Variants in OR2T27 observed in about 807,000 individuals in gnomAD.
OR2T27 encodes the protein olfactory receptor 2T27.
For missense variants in OR2T27, 152 were observed against 397.2 expected, an observed-to-expected ratio of 0.38 and a Z score of 5.25; for synonymous variants, 51 against 152.9, an observed-to-expected ratio of 0.33 and a Z score of 4.92.
chr1:248,655,239 TAA>T (rs1207512038), intron 1 of OR2T27, among the ~76,000 whole-genome samples: 539 of 20,802 alleles, frequency 0.026, 8 homozygotes, highest in Middle Eastern at 0.11. Context: ...ACAGAAAAGA[TAA>T]GAGTCCATAA....
In OR2T27 at chr1:248,650,908, G is replaced by T; in HGVS notation, c.-4-20C>A. Reference sequence around the variant, plus strand: ...ATAGCTCTGTAGGGTACACAAAAGAGATATGACAAAGTTGGAAAGGTATCT... The same window carrying T: ...ATAGCTCTGTAGGGTACACAAAAGATATATGACAAAGTTGGAAAGGTATCT... On this transcript the variant is annotated intron_variant, in intron 1 of 1. Coordinates refer to ENST00000460972, the MANE Select transcript of OR2T27 (RefSeq NM_001001824.2). 7.3e-7 allele frequency: 1 copy of T among 1,372,044 alleles called. No individual in the cohort carries two copies. Among genetic ancestry groups the T allele is most frequent in the Non-Finnish European group, 9.9e-7 (1 of 1,007,682 alleles). 85.0% of individuals were successfully genotyped at this position (1,372,044 alleles called of 1,614,324 possible).
chr1:248,655,020 C>T (rs1250074122), intron 1 of OR2T27, among the ~76,000 whole-genome samples: 2 of 31,716 alleles, frequency 6.3e-5, no homozygotes, highest in African/African-American at 7.4e-5. Context: ...AATGGTTTCT[C>T]GGAGCAGGAT....
intron 1 of OR2T27, chr1:248,651,344 G>A (rs866704207): frequency 0.014 from 855 of 60,662 alleles, 30 homozygotes; most frequent in African/African-American, 0.024. Flanking sequence ...ATTTGCCTAT[G>A]GAAGAATAAC....
chr1:248,655,279 A>T (rs1373133796), intron 1 of OR2T27, among the ~76,000 whole-genome samples, 165 bp downstream of exon 1: 3 of 129,942 alleles, frequency 2.3e-5, no homozygotes, highest in African/African-American at 7.7e-5. Context: ...TGAATTATCT[A>T]AGATTTATAT....
intron 1 of OR2T27, among the ~76,000 whole-genome samples, chr1:248,651,937 A>G (rs1191683234): frequency 1.7e-5 from 1 of 58,202 alleles, no homozygotes. Context: ...TTAAAACTTT[A>G]TATTATGGTA....
At chr1:248,652,880 G>A (rs115629924) in intron 1 of OR2T27, among the ~76,000 whole-genome samples, 4 of 150,458 alleles carry the variant, frequency 2.7e-5, no homozygotes, top group African/African-American at 9.8e-5. Flanking sequence ...TGTTAAACCA[G>A]TGGGAAAATT....
intron 1 of OR2T27, 117 bp downstream of exon 1, chr1:248,655,327 G>A (rs1354949788): frequency 7.3e-6 from 1 of 137,598 alleles, no homozygotes; most frequent in Non-Finnish European, 1.6e-5. Flanking sequence ...TTCAAAGTCA[G>A]ATGTATCAAC....
In OR2T27 at chr1:248,655,516, A is replaced by G. The variant is rs1262408366; in HGVS notation, c.-77T>C. ...AAACCTTACAGAACTAAGGTAGTAC[A>G]TGCAATTGTTCAGCATTTCCTTTTA... On this transcript the variant is annotated 5_prime_UTR_variant, in exon 1 of 2. An upstream start codon of the reference 5' UTR is lost. Transcript: ENST00000460972. 1 of 94,860 alleles carries G rather than the reference A, an allele frequency of 1.1e-5. No homozygotes were observed. Among genetic ancestry groups the G allele is most frequent in the South Asian group, 6.1e-4 (1 of 1,652 alleles). 5.9% of individuals were successfully genotyped at this position (94,860 alleles called of 1,614,324 possible). A position where few individuals can be genotyped will look rare whatever the true frequency, so the allele number is the denominator to read the frequency against.
intron 1 of OR2T27, among the ~76,000 whole-genome samples, chr1:248,653,882 T>TTTTA (rs1661075315): frequency 2.5e-5 from 3 of 118,536 alleles, no homozygotes; most frequent in Non-Finnish European, 5.7e-5. Flanking sequence ...ATACATGTAA[T>TTTTA]TGTAACTTTG....
In OR2T27 at chr1:248,653,973, G is replaced by A. The variant is rs184192811; in HGVS notation, c.-5+1471C>T. 2.1e-3 allele frequency among the ~76,000 whole-genome samples: 83 copies of A among 39,320 alleles called. 2 individuals carry two copies. The highest frequency in any genetic ancestry group is 0.048 in the Middle Eastern group (2 of 42). The allele number at this position is 39,320 out of a possible 152,430, so 25.8% of individuals were successfully genotyped here. ...ATTTTTGAAAAAAATATTTTCCATC[G>A]AGGTATGTGATTAATATACAATTTA... is the stretch of plus-strand genomic sequence containing the variant. On this transcript the variant is annotated intron_variant, in intron 1 of 1. Coordinates refer to ENST00000460972, the MANE Select transcript of OR2T27 (RefSeq NM_001001824.2).
intron 1 of OR2T27, among the ~76,000 whole-genome samples, chr1:248,653,511 T>TCA (rs1211785488): frequency 2.5e-5 from 2 of 79,016 alleles, no homozygotes; most frequent in African/African-American, 5.8e-5. Context: ...TCAGCTTGGT[T>TCA]CACATTCACG....
intron 1 of OR2T27, chr1:248,651,619 T>TA (rs1661019402): frequency 1.4e-5 from 1 of 71,292 alleles, no homozygotes; most frequent in South Asian, 6.5e-4. Context: ...GAATCCCATT[T>TA]AACTTATGAA....
At chr1:248,652,458 CAA>C (rs1216187039) in intron 1 of OR2T27, among the ~76,000 whole-genome samples, 2 of 147,574 alleles carry the variant, frequency 1.4e-5, no homozygotes, top group African/African-American at 4.9e-5. Context: ...TTGGGTAAGC[CAA>C]AGTTTGATAT....
intron 1 of OR2T27, among the ~76,000 whole-genome samples, chr1:248,653,678 TTAGCACTAG>T (rs553404125): frequency 6.8e-4 from 43 of 63,202 alleles, no homozygotes; most frequent in African/African-American, 1.2e-3. Flanking sequence ...GCCCCAGCAT[TTAGCACTAG>T]TATCAAAACT....
chr1:248,651,573 C>G (rs1441302523), intron 1 of OR2T27: 1 of 53,610 alleles, frequency 1.9e-5, no homozygotes, highest in Non-Finnish European at 7.4e-5. Flanking sequence ...CAGCAGCAAA[C>G]TACCAATTAT....
At position 248,655,489 on chromosome 1, in the gene OR2T27, A is replaced by G. The variant is rs566774632; in HGVS notation, c.-50T>C. 2 of 88,894 alleles carry G rather than the reference A, an allele frequency of 2.2e-5. No individual in the cohort carries two copies. The highest frequency in any genetic ancestry group is 5.7e-5 in the African/African-American group (2 of 35,106). The allele number at this position is 88,894 out of a possible 1,614,324, so 5.5% of individuals were successfully genotyped here. On this transcript the variant is annotated 5_prime_UTR_variant, in exon 1 of 2. Coordinates refer to ENST00000460972, the MANE Select transcript of OR2T27 (RefSeq NM_001001824.2). ...AACACGATGATCTGAATATTTAGAGAGAAACCTTACAGAACTAAGGTAGTA... is the reference window on the plus strand; with the variant it reads ...AACACGATGATCTGAATATTTAGAGGGAAACCTTACAGAACTAAGGTAGTA...
In OR2T27 at chr1:248,650,812, A is replaced by G. The variant is rs1217890317; in HGVS notation, c.73T>C (p.Trp25Arg). ...LGLFSNARFPWLLFALILLVF... is the reference protein window; with the variant it reads ...LGLFSNARFPRLLFALILLVF... Reference sequence around the variant, plus strand: ...AGGAGAATGAGGGCAAAGAGAAGCCAGGGGAAACGGGCGTTGCTGAACAAA... The same window carrying G: ...AGGAGAATGAGGGCAAAGAGAAGCCGGGGGAAACGGGCGTTGCTGAACAAA... The change falls in exon 2 of 2, where the codon TGG becomes CGG. Residue 25 changes from tryptophan (W) to arginine (R), a missense_variant. By Grantham distance (101) the Trp-to-Arg change is moderately radical. Transcript: ENST00000460972. The G allele has an allele frequency of 1.9e-6, 3 of 1,610,690 alleles. No homozygotes were observed. In the African/African-American group the frequency reaches 4.0e-5, roughly 22 times the overall value.
chr1:248,650,869 A>C lies in OR2T27; in HGVS notation c.16T>G (p.Tyr6Asp). The C allele has an allele frequency of 6.4e-7, 1 of 1,560,330 alleles. No homozygotes were observed. The highest frequency in any genetic ancestry group is 1.2e-5 in the South Asian group (1 of 83,110). MEQSN[Y>D]SVYADFILLG... ...AGGATAAAGTCGGCATACACGGAAT[A>C]ATTGCTCTGCTCCATAGCTCTGTAG... The change falls in exon 2 of 2, where the codon TAT (tyrosine) becomes GAT (aspartate). Residue 6 changes from tyrosine to aspartate, a missense_variant. Tyr to Asp is a radical substitution (Grantham distance 160). Transcript: ENST00000460972.
At chr1:248,651,332 A>G (rs1377461399) in intron 1 of OR2T27, 1 of 58,328 alleles carries the variant, frequency 1.7e-5, no homozygotes, top group African/African-American at 3.0e-5. Context: ...CCACGAGTAT[A>G]TATTTGCCTA....
Sources: allele counts gnomAD v4.1 joint callset (sites outside exome capture counted in the v4.1 genomes callset), GRCh38; gene constraint gnomAD v4.1.1; transcripts MANE v1.5; gene names NCBI Gene and HGNC (gene_info 2026-07-23, HGNC 2026-07-21).